Variants in NAALADL2 observed in about 807,000 individuals in gnomAD.
The protein encoded by NAALADL2 is inactive N-acetylated-alpha-linked acidic dipeptidase-like protein 2.
A neutral mutation model predicts 87.2 loss-of-function variants in NAALADL2; 76 were observed. The observed-to-expected ratio is 0.87, with a 90% CI of 0.72 to 1.05. The LOEUF (loss-of-function observed/expected upper bound fraction) is 1.05. Ranked by LOEUF, NAALADL2 falls within the 50% of genes least tolerant of loss-of-function variation. The pLI is 0.00. For missense variants in NAALADL2, 1,089 were observed against 945.8 expected, an observed-to-expected ratio of 1.15 and a Z score of -1.99; for synonymous variants, 354 against 331.0, an observed-to-expected ratio of 1.07 and a Z score of -0.75.
At chr3:175,139,969 A>G (rs1182203369) in intron 2 of NAALADL2, among the ~76,000 whole-genome samples, 1 of 148,012 alleles carries the variant, frequency 6.8e-6, no homozygotes, top group Non-Finnish European at 1.5e-5. Context: ...AAAAGGATTG[A>G]ATTAAATGAC....
chr3:175,378,278 C>T (rs1767399293), intron 5 of NAALADL2, among the ~76,000 whole-genome samples: 1 of 152,204 alleles, frequency 6.6e-6, no homozygotes, highest in African/African-American at 2.4e-5. Context: ...TAATGGAGTT[C>T]ACCTCTGCTC....
chr3:174,809,687 T>C (rs1719935348), intron 3 of NAALADL2, among the ~76,000 whole-genome samples: 1 of 152,066 alleles, frequency 6.6e-6, no homozygotes, highest in South Asian at 2.1e-4. Flanking sequence ...TGATGGTAAA[T>C]AGATGATATT....
chr3:175,509,958 G>A (rs1482261702), intron 9 of NAALADL2, among the ~76,000 whole-genome samples: 1 of 151,960 alleles, frequency 6.6e-6, no homozygotes, highest in Non-Finnish European at 1.5e-5. Context: ...CCATTAACTT[G>A]TCATTTAGCA....
At chr3:175,683,045 A>G (rs1735797935) in intron 11 of NAALADL2, among the ~76,000 whole-genome samples, 1 of 152,010 alleles carries the variant, frequency 6.6e-6, no homozygotes, top group Non-Finnish European at 1.5e-5. Context: ...TTGATATATG[A>G]AACAGAAAAT....
At chr3:175,550,039 G>T (rs1462752383) in intron 9 of NAALADL2, among the ~76,000 whole-genome samples, 3 of 151,848 alleles carry the variant, frequency 2.0e-5, no homozygotes, top group African/African-American at 7.3e-5. Context: ...ACAAGACAAA[G>T]AAAAAAGGGG....
chr3:174,829,376 T>G (rs1390228059), intron 3 of NAALADL2, among the ~76,000 whole-genome samples: 1 of 150,760 alleles, frequency 6.6e-6, no homozygotes, highest in African/African-American at 2.5e-5. Flanking sequence ...TTTGTTTTTT[T>G]GTTCTTGCGA....
At chr3:174,919,192 T>C (rs1734811993) in intron 1 of NAALADL2, among the ~76,000 whole-genome samples, 2 of 152,050 alleles carry the variant, frequency 1.3e-5, no homozygotes, top group Admixed American at 1.3e-4. Flanking sequence ...TTGCTGAAGG[T>C]TGGGCTGCTT....
At chr3:175,015,294 A>G (rs911592047) in intron 1 of NAALADL2, among the ~76,000 whole-genome samples, 1 of 152,066 alleles carries the variant, frequency 6.6e-6, no homozygotes, top group Admixed American at 6.6e-5. Flanking sequence ...CAATTAACCT[A>G]TGTATATGTA....
intron 1 of NAALADL2, among the ~76,000 whole-genome samples, chr3:174,542,496 TG>T (rs1722332901): frequency 6.6e-6 from 1 of 152,144 alleles, no homozygotes; most frequent in Admixed American, 6.5e-5. Flanking sequence ...CTTCTTTATA[TG>T]GAAACTTTAC....
chr3:175,708,725 T>C (rs2149993064), intron 11 of NAALADL2, among the ~76,000 whole-genome samples: 1 of 151,922 alleles, frequency 6.6e-6, no homozygotes, highest in African/African-American at 2.4e-5. Context: ...CCCAAAGCCA[T>C]TTAGGGCCAG....
chr3:175,007,442 A>T (rs1023127000), intron 1 of NAALADL2, among the ~76,000 whole-genome samples: 6 of 152,196 alleles, frequency 3.9e-5, no homozygotes, highest in African/African-American at 9.6e-5. Flanking sequence ...AGTTGGGAAG[A>T]TAAAGAGATC....
chr3:175,537,537 A>G (rs1711512066), intron 9 of NAALADL2, among the ~76,000 whole-genome samples: 1 of 152,214 alleles, frequency 6.6e-6, no homozygotes, highest in African/African-American at 2.4e-5. Context: ...TAACAAATAT[A>G]AAATGAGAGC....
chr3:175,471,128 C>T (rs1448694865), intron 8 of NAALADL2, among the ~76,000 whole-genome samples: 5 of 152,036 alleles, frequency 3.3e-5, no homozygotes, highest in Non-Finnish European at 7.4e-5. Context: ...TCTTACCACT[C>T]TTGTTTAAAA....
At chr3:175,648,347 G>T in intron 11 of NAALADL2, among the ~76,000 whole-genome samples, 1 of 151,750 alleles carries the variant, frequency 6.6e-6, no homozygotes, top group Admixed American at 6.6e-5. Context: ...ATAATATATT[G>T]TATATAAAAT....
chr3:175,140,252 G>A (rs1729791419), intron 2 of NAALADL2, among the ~76,000 whole-genome samples: 1 of 152,086 alleles, frequency 6.6e-6, no homozygotes, highest in South Asian at 2.1e-4. Flanking sequence ...TCAGTAATAG[G>A]TGTAAGTTAT....
At chr3:175,156,307 G>T (rs199991555) in intron 2 of NAALADL2, among the ~76,000 whole-genome samples, 54,832 of 151,756 alleles carry the variant, frequency 0.36, 11,241 homozygotes, top group East Asian at 0.56. Context: ...TTTATTCTCA[G>T]ACAAATCTTT....
intron 2 of NAALADL2, among the ~76,000 whole-genome samples, chr3:174,702,811 C>A (rs13325828): frequency 0.014 from 2,090 of 152,238 alleles, 59 homozygotes; most frequent in African/African-American, 0.049. Flanking sequence ...ACCAAAACAT[C>A]GTTATGCAGT....
intron 13 of NAALADL2, among the ~76,000 whole-genome samples, chr3:175,801,292 C>T (rs1419870471): frequency 6.6e-6 from 1 of 152,048 alleles, no homozygotes; most frequent in Non-Finnish European, 1.5e-5. Context: ...TGCTTACATC[C>T]TTTTGCTGGT....
chr3:175,776,760 CAG>C (rs997672448), intron 13 of NAALADL2, among the ~76,000 whole-genome samples: 9 of 152,118 alleles, frequency 5.9e-5, no homozygotes, highest in African/African-American at 2.2e-4. Flanking sequence ...AGACATTTAA[CAG>C]AGATACAGTG....
Sources: gnomAD v4.1 joint callset for allele counts (sites outside exome capture counted in the v4.1 genomes callset) on GRCh38, gnomAD v4.1.1 for gene constraint, MANE v1.5 for transcripts, NCBI Gene and HGNC (gene_info 2026-07-23, HGNC 2026-07-21) for gene names.